Variants in PLCH1 observed in about 807,000 individuals in gnomAD.
PLCH1 encodes phospholipase C eta 1.
PLCH1 carries 60 observed loss-of-function variants against 126.7 expected under a neutral mutation model. That is an observed-to-expected ratio of 0.47 (90% CI 0.38 to 0.59). The LOEUF (loss-of-function observed/expected upper bound fraction) is 0.59. PLCH1 is among the 20% of genes least tolerant of loss of function. PLCH1 has a pLI of 0.00. For missense variants in PLCH1, 1,723 were observed against 2,040.0 expected, an observed-to-expected ratio of 0.84 and a Z score of 2.99; for synonymous variants, 719 against 734.9, an observed-to-expected ratio of 0.98 and a Z score of 0.35.
At chr3:155,743,313 C>A in intron 1 of PLCH1, 2 of 434,198 alleles carry the variant, frequency 4.6e-6, no homozygotes, top group Non-Finnish European at 9.1e-6. Context: ...GGGTGGATCA[C>A]CTGAGGTCAG....
At chr3:155,655,459 A>G (rs1300986933) in intron 2 of PLCH1, among the ~76,000 whole-genome samples, 1 of 151,548 alleles carries the variant, frequency 6.6e-6, no homozygotes, top group Non-Finnish European at 1.5e-5. Context: ...GAAGAAGAAG[A>G]GAAAATATTC....
At chr3:155,467,276 T>C (rs551140877) in intron 21 of PLCH1, among the ~76,000 whole-genome samples, 6 of 151,040 alleles carry the variant, frequency 4.0e-5, no homozygotes, top group Admixed American at 2.6e-4. Context: ...ATAAAAAAGA[T>C]AAAGAAAGGA....
intron 2 of PLCH1, among the ~76,000 whole-genome samples, chr3:155,614,340 G>A (rs1349284495): frequency 6.6e-6 from 1 of 151,892 alleles, no homozygotes; most frequent in Non-Finnish European, 1.5e-5. Context: ...CATAACAAAA[G>A]CAAGACTAAG....
In PLCH1 at chr3:155,732,453, G is replaced by A. The variant is rs113528345; in HGVS notation, c.-41+12387C>T. 2.7e-3 allele frequency among the ~76,000 whole-genome samples: 407 copies of A among 151,760 alleles called. 3 individuals carry two copies. The highest frequency in any genetic ancestry group is 4.1e-3 in the African/African-American group (171 of 41,380). On this transcript the variant is annotated intron_variant, in intron 1 of 22. Coordinates refer to ENST00000460012, the MANE Select transcript of PLCH1 (RefSeq NM_014996.4). Reference sequence around the variant, plus strand: ...TGTAATCCCAGCACTTTGGGAGGCCGAGGCGGGTGGATCACGAGGTCAGGA... The same window carrying A: ...TGTAATCCCAGCACTTTGGGAGGCCAAGGCGGGTGGATCACGAGGTCAGGA...
intron 6 of PLCH1, among the ~76,000 whole-genome samples, chr3:155,579,406 T>C (rs1416379206): frequency 2.6e-5 from 4 of 152,228 alleles, no homozygotes; most frequent in African/African-American, 9.6e-5. Context: ...ACTCTACTCT[T>C]GCAAGGGCAA....
intron 2 of PLCH1, among the ~76,000 whole-genome samples, chr3:155,680,742 T>C (rs1744445763): frequency 1.3e-5 from 2 of 152,196 alleles, no homozygotes; most frequent in African/African-American, 2.4e-5. Context: ...TCATCAGAAA[T>C]ATAAAAATCT....
intron 2 of PLCH1, among the ~76,000 whole-genome samples, chr3:155,644,078 G>A (rs999370458): frequency 2.6e-5 from 4 of 152,152 alleles, no homozygotes; most frequent in African/African-American, 9.7e-5. Context: ...CTGGAATGAA[G>A]AGAGCCAATA....
chr3:155,608,851 G>A (rs1734712890), intron 2 of PLCH1, among the ~76,000 whole-genome samples: 2 of 152,098 alleles, frequency 1.3e-5, no homozygotes, highest in Non-Finnish European at 2.9e-5. Context: ...ATTTATCCTG[G>A]CCAACTTAGA....
chr3:155,559,258 A>T (rs1427618434), intron 8 of PLCH1, among the ~76,000 whole-genome samples: 1 of 152,146 alleles, frequency 6.6e-6, no homozygotes, highest in Non-Finnish European at 1.5e-5. Flanking sequence ...TCTCTTAAGA[A>T]GAGATTATTC....
chr3:155,610,479 G>T (rs7629557), intron 2 of PLCH1, among the ~76,000 whole-genome samples: 1 of 151,378 alleles, frequency 6.6e-6, no homozygotes, highest in Admixed American at 6.6e-5. Flanking sequence ...GTCAGGTAAC[G>T]TGCAAAGGAA....
intron 21 of PLCH1, among the ~76,000 whole-genome samples, chr3:155,471,865 T>C (rs1713265332): frequency 6.6e-6 from 1 of 152,052 alleles, no homozygotes; most frequent in African/African-American, 2.4e-5. Flanking sequence ...AATAAAGATG[T>C]TCTTTGAAAC....
At chr3:155,532,237 T>A (rs1019711362) in intron 10 of PLCH1, among the ~76,000 whole-genome samples, 6 of 152,168 alleles carry the variant, frequency 3.9e-5, no homozygotes, top group African/African-American at 1.4e-4. Flanking sequence ...AAGACTCGCA[T>A]CGTGAACTTG....
chr3:155,681,120 C>T (rs1191097655), intron 2 of PLCH1, among the ~76,000 whole-genome samples: 1 of 152,066 alleles, frequency 6.6e-6, no homozygotes, highest in African/African-American at 2.4e-5. Context: ...TTACTTTCTT[C>T]TTTATATGTT....
chr3:155,623,311 C>A (rs531912215), intron 2 of PLCH1, among the ~76,000 whole-genome samples: 3 of 152,034 alleles, frequency 2.0e-5, no homozygotes, highest in African/African-American at 7.3e-5. Context: ...CAAGAAAGAT[C>A]TAAAATCGAT....
Position 155,481,700 on chromosome 3 carries a change from T to G in PLCH1, c.4326A>C (p.Ser1442=), listed in dbSNP as rs1216595053. Residue 1442 remains serine (S), a synonymous_variant, in exon 23 of 23, where the codon TCA becomes TCC. Coordinates refer to ENST00000460012, the MANE Select transcript of PLCH1 (RefSeq NM_014996.4). This position sits in a 1 kb window ranked among gnomAD's most constrained non-coding sequence, Gnocchi z 4.2. ...AGFVHNHFSD[S]DAKMFQTCVP... is the part of the protein sequence containing the mutation. ...CACAGGTCTGGAACATTTTTGCATC[T>G]GAATCTGAGAAATGATTATGCACAA... 14 of 1,614,170 alleles carry G rather than the reference T, an allele frequency of 8.7e-6. No homozygotes were observed. The highest frequency in any genetic ancestry group is 1.2e-5 in the Non-Finnish European group (14 of 1,180,030).
intron 2 of PLCH1, among the ~76,000 whole-genome samples, chr3:155,697,816 G>A (rs547963196): frequency 1.3e-5 from 2 of 152,296 alleles, no homozygotes; most frequent in South Asian, 4.1e-4. Context: ...TGGTAACAGA[G>A]GGAGCCAGGA....
chr3:155,602,730 C>T (rs1030043589), intron 2 of PLCH1, among the ~76,000 whole-genome samples: 1 of 152,108 alleles, frequency 6.6e-6, no homozygotes, highest in Non-Finnish European at 1.5e-5. Context: ...GTATTATAAT[C>T]TCACAGGAAC....
At chr3:155,468,157 G>T (rs1014745435) in intron 21 of PLCH1, among the ~76,000 whole-genome samples, 2 of 152,160 alleles carry the variant, frequency 1.3e-5, no homozygotes, top group Admixed American at 6.5e-5. Context: ...TTGCTTGTTT[G>T]TTTATGCAAA....
Position 155,523,976 on chromosome 3 carries a change from TCC to T in PLCH1, c.1389_1390del (p.Asp464Ter). On this transcript the variant is annotated frameshift_variant, in exon 11 of 23. Transcript: ENST00000460012. LOFTEE classifies it high-confidence loss of function. ...AGAAACTTCCCCTTCCTCTGCATCA[TCC>T]CCAAGGTGATAAGGCAACTTCTTAC... The T allele has an allele frequency of 6.2e-7, 1 of 1,605,960 alleles. No individual in the cohort carries two copies. Among genetic ancestry groups the T allele is most frequent in the Non-Finnish European group, 8.5e-7 (1 of 1,174,352 alleles).
Sources: allele counts gnomAD v4.1 joint callset (sites outside exome capture counted in the v4.1 genomes callset), GRCh38; gene constraint gnomAD v4.1.1; non-coding constraint Gnocchi (gnomAD v3.1); transcripts MANE v1.5; gene names NCBI Gene and HGNC (gene_info 2026-07-23, HGNC 2026-07-21).